CEACAM21: variants seen among roughly 807,000 people sequenced by gnomAD.
The protein encoded by CEACAM21 is CEA cell adhesion molecule 21.
In CEACAM21, 38 loss-of-function variants were observed where a neutral mutation model predicts 33.2. The ratio of observed to expected loss-of-function variants is 1.14; its 90% CI spans 0.88 to 1.50. The LOEUF (loss-of-function observed/expected upper bound fraction) is 1.50. Ranked by LOEUF, CEACAM21 falls within the 40% of genes most tolerant of loss-of-function variation. The pLI is 0.00. For synonymous variants in CEACAM21, 156 were observed against 143.0 expected, an observed-to-expected ratio of 1.09 and a Z score of -0.65; for missense variants, 385 against 364.6, an observed-to-expected ratio of 1.06 and a Z score of -0.46.
At chr19:41,555,365 A>G (rs1555785320) in intron 1 of CEACAM21, 1 of 150,336 alleles carries the variant, frequency 6.7e-6, no homozygotes, top group Non-Finnish European at 1.5e-5. Context: ...AGATTTAGAA[A>G]TCTTTTCAGA....
intron 1 of CEACAM21, among the ~76,000 whole-genome samples, chr19:41,561,766 C>A (rs910147919): frequency 2.6e-5 from 4 of 152,074 alleles, no homozygotes; most frequent in Non-Finnish European, 4.4e-5. Flanking sequence ...TGCATAGAAA[C>A]TTTATAATAA....
intron 2 of CEACAM21, among the ~76,000 whole-genome samples, chr19:41,567,713 T>C (rs894368299): frequency 1.3e-5 from 2 of 152,194 alleles, no homozygotes; most frequent in Non-Finnish European, 2.9e-5. Context: ...AAAAAGAGAC[T>C]GTGCTAGCTC....
chr19:41,564,331 A>ATTATTTATTTAT (rs60410378), intron 1 of CEACAM21, among the ~76,000 whole-genome samples: 6,334 of 148,354 alleles, frequency 0.043, 358 homozygotes, highest in African/African-American at 0.12. Flanking sequence ...TGAGTTATTT[A>ATTATTTATTTAT]TTATTTATTT....
chr19:41,578,670 T>A (rs557510302), intron 2 of CEACAM21, among the ~76,000 whole-genome samples: 2 of 152,228 alleles, frequency 1.3e-5, no homozygotes, highest in African/African-American at 4.8e-5. Context: ...AATTAGTCAG[T>A]TTTTACTTAG....
At chr19:41,560,843 A>G (rs1361241047) in intron 1 of CEACAM21, among the ~76,000 whole-genome samples, 9 of 152,254 alleles carry the variant, frequency 5.9e-5, no homozygotes, top group Admixed American at 5.9e-4. Flanking sequence ...TCTAAAAAAG[A>G]GCGTCTACAA....
At chr19:41,559,925 G>C (rs573358132) in intron 1 of CEACAM21, among the ~76,000 whole-genome samples, 4 of 152,290 alleles carry the variant, frequency 2.6e-5, no homozygotes, top group African/African-American at 9.6e-5. Flanking sequence ...AGTGAGCCAG[G>C]ATCAGGCCTG....
chr19:41,562,154 G>A (rs1417922287), intron 1 of CEACAM21, among the ~76,000 whole-genome samples: 3 of 152,118 alleles, frequency 2.0e-5, no homozygotes, highest in Admixed American at 2.0e-4. Flanking sequence ...GCTGAGGCAG[G>A]AGAATCACTT....
intron 3 of CEACAM21, among the ~76,000 whole-genome samples, chr19:41,581,799 T>C (rs1206495279): frequency 2.0e-5 from 3 of 152,126 alleles, no homozygotes; most frequent in Non-Finnish European, 2.9e-5. Context: ...TCCCACTGGG[T>C]CCTTCCCCCA....
At chr19:41,579,884 G>A (rs1370381299) in intron 3 of CEACAM21, among the ~76,000 whole-genome samples, 2 of 152,170 alleles carry the variant, frequency 1.3e-5, no homozygotes, top group African/African-American at 4.8e-5. Context: ...CAAACACCTG[G>A]ACCTCAGGGT....
Position 41,579,515 on chromosome 19 carries a change from A to G in CEACAM21, c.587A>G (p.Asn196Ser), listed in dbSNP as rs782609852. 6.2e-7 allele frequency: 1 copy of G among 1,613,752 alleles called. No homozygotes were observed. ...VTKRMKLSWFNHVLTIDPIRQ... is the reference protein window; with the variant it reads ...VTKRMKLSWFSHVLTIDPIRQ... Reference sequence around the variant, plus strand: ...AAGAGGATGAAGCTGTCCTGGTTTAACCATGTGCTCACCATAGACCCCATC... The same window carrying G: ...AAGAGGATGAAGCTGTCCTGGTTTAGCCATGTGCTCACCATAGACCCCATC... Residue 196 changes from asparagine to serine, a missense_variant, in exon 3 of 7, where the codon AAC becomes AGC. By Grantham distance (46) the Asn-to-Ser change is conservative (BLOSUM62 1). Transcript: ENST00000401445.
chr19:41,565,239 G>A (rs1453171669), intron 2 of CEACAM21, among the ~76,000 whole-genome samples: 3 of 151,672 alleles, frequency 2.0e-5, no homozygotes, highest in African/African-American at 7.3e-5. Context: ...CCGCTCCCCT[G>A]TGGCACCGCC....
chr19:41,585,451 A>T lies in CEACAM21; in HGVS notation c.806A>T (p.Asp269Val). The T allele has an allele frequency of 6.2e-7, 1 of 1,613,800 alleles. No homozygotes were observed. Residue 269 changes from aspartate (D) to valine (V), a missense_variant, in exon 5 of 7, where the codon GAT becomes GTT. By Grantham distance (152) the Asp-to-Val change is radical. Transcript: ENST00000401445. ...ACCCTGACCTTTCCTAGGGCCAGCG[A>T]TCAGAGTGACTTCAGGGAGCAGCAG... ...LLLRKTGRAS[D>V]QSDFREQQPP...
chr19:41,582,450 C>T (rs1338344831), intron 3 of CEACAM21, among the ~76,000 whole-genome samples: 4 of 152,218 alleles, frequency 2.6e-5, no homozygotes, highest in Admixed American at 1.3e-4. Context: ...GACTCTGTGT[C>T]GGGGTTCCAA....
intron 1 of CEACAM21, among the ~76,000 whole-genome samples, chr19:41,552,572 G>A (rs2041278577): frequency 6.6e-6 from 1 of 152,098 alleles, no homozygotes; most frequent in South Asian, 2.1e-4. Context: ...AGTGAAATCT[G>A]GCCTGCCACA....
At chr19:41,554,963 C>T (rs2041449980) in intron 1 of CEACAM21, 1 of 151,926 alleles carries the variant, frequency 6.6e-6, no homozygotes, top group African/African-American at 2.4e-5. Flanking sequence ...AAAAAAAATC[C>T]ATCTTCTCAT....
chr19:41,584,529 C>T, intron 4 of CEACAM21, 86 bp downstream of exon 4: 1 of 1,224,728 alleles, frequency 8.2e-7, no homozygotes, highest in Admixed American at 2.0e-5. Context: ...TATTCAGTGC[C>T]AGGCTCTCCC....
At chr19:41,579,208 C>T in intron 2 of CEACAM21, 145 bp from the exon 3 acceptor site, 1 of 1,348,724 alleles carries the variant, frequency 7.4e-7, no homozygotes, top group Non-Finnish European at 1.0e-6. Context: ...CTGCTCGCTG[C>T]TATGGGTGTC....
At chr19:41,573,339 C>T (rs781935455), upstream of CEACAM21, among the ~76,000 whole-genome samples, 3 of 152,190 alleles carry the variant, frequency 2.0e-5, no homozygotes, top group Non-Finnish European at 4.4e-5. Flanking sequence ...CAGCAGCCAC[C>T]GTTTGTGCCT....
chr19:41,565,500 TA>T (rs1277139344), intron 2 of CEACAM21: 1 of 152,936 alleles, frequency 6.5e-6, no homozygotes, highest in African/African-American at 2.4e-5. Context: ...CGGATACGGG[TA>T]GGGCCCTGCG....
Sources: allele counts gnomAD v4.1 joint callset (sites outside exome capture counted in the v4.1 genomes callset), GRCh38; gene constraint gnomAD v4.1.1; transcripts MANE v1.5; gene names NCBI Gene and HGNC (gene_info 2026-07-23, HGNC 2026-07-21).